Variants in TMTC1 observed in about 807,000 individuals in gnomAD.
TMTC1 encodes transmembrane O-mannosyltransferase targeting cadherins 1.
A neutral mutation model predicts 104.8 loss-of-function variants in TMTC1; 73 were observed. The ratio of observed to expected loss-of-function variants is 0.70; its 90% confidence interval spans 0.58 to 0.85. The LOEUF (loss-of-function observed/expected upper bound fraction) is 0.85. TMTC1 is among the 40% of genes least tolerant of loss of function. The pLI is 0.00. For missense variants in TMTC1, 1,035 were observed against 1,096.1 expected (o/e 0.94, Z 0.79); for synonymous variants, 434 against 428.7 (o/e 1.01, Z -0.15).
chr12:29,710,976 A>AAT lies in TMTC1; in HGVS notation c.938+40688_938+40689dup, dbSNP rs1379235528. Among the ~76,000 whole-genome samples the AAT allele has an allele frequency of 4.6e-3, 265 of 57,898 alleles. 1 individual carries two copies. Among genetic ancestry groups the AAT allele is most frequent in the East Asian group, 0.011 (19 of 1,654 alleles). 38.0% of individuals were successfully genotyped at this position (57,898 alleles called of 152,430 possible). A position where few individuals can be genotyped will look rare whatever the true frequency, so the allele number is the denominator to read the frequency against. Reference sequence around the variant, plus strand: ...TATATAAATATATTAATAATATATAAATATATATATATTTTTTCCCCCTCA... The same window carrying AAT: ...TATATAAATATATTAATAATATATAAATATATATATATATTTTTTCCCCCTCA... On this transcript the variant is annotated intron_variant, in intron 5 of 17. Coordinates refer to ENST00000539277, the MANE Select transcript of TMTC1 (RefSeq NM_001193451.2).
At chr12:29,719,683 A>C (rs1942181331) in intron 5 of TMTC1, among the ~76,000 whole-genome samples, 1 of 152,198 alleles carries the variant, frequency 6.6e-6, no homozygotes, top group South Asian at 2.1e-4. Flanking sequence ...CAATGCCTGC[A>C]AGGCCACGGA....
chr12:29,525,569 C>T (rs958816982), intron 11 of TMTC1, among the ~76,000 whole-genome samples: 2 of 149,814 alleles, frequency 1.3e-5, no homozygotes, highest in African/African-American at 4.9e-5. Context: ...TCCACAGTCA[C>T]TGATCATGAA....
chr12:29,773,132 C>G (rs1035220053), intron 1 of TMTC1, among the ~76,000 whole-genome samples: 3 of 152,080 alleles, frequency 2.0e-5, no homozygotes, highest in Non-Finnish European at 2.9e-5. Flanking sequence ...AAATATGAAC[C>G]CAAATCGCCC....
In TMTC1 at chr12:29,751,889, T is replaced by A. The variant is rs935297068; in HGVS notation, c.732-17A>T. 2.1e-5 allele frequency: 32 copies of A among 1,524,664 alleles called. No individual in the cohort carries two copies. The highest frequency in any genetic ancestry group is 8.4e-5 in the Admixed American group (4 of 47,798). The allele number at this position is 1,524,664 out of a possible 1,614,324, so 94.4% of individuals were successfully genotyped here. A position where few individuals can be genotyped will look rare whatever the true frequency, so the allele number is the denominator to read the frequency against. On this transcript the variant is annotated splice_polypyrimidine_tract_variant and intron_variant, in intron 4 of 17. Transcript: ENST00000539277. ...CCATTGCTCCTGTTGTGCATGGAAT[T>A]GAGGGAAAACAAAGTCAACCAGAAT...
At chr12:29,633,463 G>A (rs1358932607) in intron 5 of TMTC1, 127 bp from the exon 6 acceptor site, 3 of 775,858 alleles carry the variant, frequency 3.9e-6, no homozygotes, top group Non-Finnish European at 5.9e-6. Flanking sequence ...GAGAAGACAA[G>A]GGAAGATGGA....
intron 6 of TMTC1, among the ~76,000 whole-genome samples, chr12:29,617,170 C>T (rs60551680): frequency 0.03 from 4,619 of 151,910 alleles, 253 homozygotes; most frequent in African/African-American, 0.11. Context: ...GGGTATGTGA[C>T]GGCTCACTCC....
chr12:29,669,623 G>GT (rs1473753060), intron 5 of TMTC1, among the ~76,000 whole-genome samples: 33 of 152,322 alleles, frequency 2.2e-4, no homozygotes, highest in African/African-American at 7.7e-4. Context: ...ATAAGAATAA[G>GT]TGAGAAAAGC....
intron 5 of TMTC1, among the ~76,000 whole-genome samples, chr12:29,634,331 A>G (rs899791762): frequency 6.6e-6 from 1 of 152,244 alleles, no homozygotes; most frequent in Non-Finnish European, 1.5e-5. Context: ...CAGGAAGGAC[A>G]GAGCCTCTGC....
At chr12:29,627,508 G>A (rs1218687389) in intron 6 of TMTC1, among the ~76,000 whole-genome samples, 2 of 152,156 alleles carry the variant, frequency 1.3e-5, no homozygotes, top group African/African-American at 4.8e-5. Context: ...GTACATTGCT[G>A]GAGGGAATGC....
chr12:29,756,793 A>G (rs1047757311), intron 3 of TMTC1, among the ~76,000 whole-genome samples: 3 of 152,220 alleles, frequency 2.0e-5, no homozygotes, highest in Admixed American at 6.5e-5. Flanking sequence ...TAGTGTTCTT[A>G]GAACAATTGC....
intron 8 of TMTC1, among the ~76,000 whole-genome samples, chr12:29,577,492 A>G (rs1203067741): frequency 6.6e-6 from 1 of 152,190 alleles, no homozygotes; most frequent in Non-Finnish European, 1.5e-5. Flanking sequence ...TGGCCTAATG[A>G]GAACTTGTCA....
At chr12:29,529,292 G>A (rs11050273) in intron 11 of TMTC1, among the ~76,000 whole-genome samples, 28,926 of 152,032 alleles carry the variant, frequency 0.19, 3,128 homozygotes, top group East Asian at 0.38. Context: ...CTGTAACAAT[G>A]TGTACCTACT....
chr12:29,507,010 A>G (rs756246312), intron 17 of TMTC1, 24 bp from the exon 18 acceptor site: 5 of 1,605,444 alleles, frequency 3.1e-6, no homozygotes, highest in Non-Finnish European at 4.3e-6. Context: ...AGAGGGAGCA[A>G]TTACATTCTG....
At chr12:29,690,769 T>C (rs74078961) in intron 5 of TMTC1, among the ~76,000 whole-genome samples, 2,526 of 152,346 alleles carry the variant, frequency 0.017, 43 homozygotes, top group African/African-American at 0.041. Context: ...TAAGACATTT[T>C]GGGAAAATAT....
In TMTC1 at chr12:29,506,033, C is replaced by T. The variant is rs1206718129; in HGVS notation, c.*813G>A. Reference sequence around the variant, plus strand: ...GTAGAATATACTATTTTTTTCTCCACCAAAATAACAATATATTTGCAGGCG... The same window carrying T: ...GTAGAATATACTATTTTTTTCTCCATCAAAATAACAATATATTTGCAGGCG... On this transcript the variant is annotated 3_prime_UTR_variant, in exon 18 of 18. Transcript: ENST00000539277. The T allele has an allele frequency of 6.6e-6, 1 of 151,910 alleles. No homozygotes were observed. The highest frequency in any genetic ancestry group is 1.5e-5 in the Non-Finnish European group (1 of 67,996). 9.4% of individuals were successfully genotyped at this position (151,910 alleles called of 1,614,324 possible). A position where few individuals can be genotyped will look rare whatever the true frequency, so the allele number is the denominator to read the frequency against.
intron 10 of TMTC1, among the ~76,000 whole-genome samples, chr12:29,547,275 G>A (rs1944967682): frequency 6.6e-6 from 1 of 152,184 alleles, no homozygotes; most frequent in East Asian, 1.9e-4. Flanking sequence ...GGTCTCCGCG[G>A]TGTTTACTGC....
intron 2 of TMTC1, among the ~76,000 whole-genome samples, chr12:29,759,622 A>C (rs1333810016): frequency 2.0e-5 from 3 of 152,210 alleles, no homozygotes; most frequent in Non-Finnish European, 2.9e-5. Context: ...ATAAATATAA[A>C]ACCTCAGTAG....
upstream of TMTC1, chr12:29,784,727 T>C (rs1238867901): frequency 1.3e-5 from 2 of 151,388 alleles, no homozygotes; most frequent in African/African-American, 4.9e-5. Context: ...CAAGATAATT[T>C]GGGAGATGCC....
chr12:29,759,272 G>C (rs565718894), intron 2 of TMTC1, among the ~76,000 whole-genome samples: 1 of 152,266 alleles, frequency 6.6e-6, no homozygotes, highest in South Asian at 2.1e-4. Context: ...GAGGCTGGCG[G>C]AACACTTGAG....
Sources: gnomAD v4.1 joint callset for allele counts (sites outside exome capture counted in the v4.1 genomes callset) on GRCh38, gnomAD v4.1.1 for gene constraint, MANE v1.5 for transcripts, NCBI Gene and HGNC (gene_info 2026-07-23, HGNC 2026-07-21) for gene names.